The following ANKS1B variants were observed in gnomAD, a reference collection of about 807,000 sequenced individuals.
ANKS1B encodes ankyrin repeat and sterile alpha motif domain containing 1B.
Under a neutral mutation model 148.3 loss-of-function variants are expected in ANKS1B, and 36 were observed. The observed-to-expected ratio is 0.24, with a 90% CI of 0.19 to 0.32. The LOEUF is 0.32. ANKS1B is among the 10% of genes least tolerant of loss of function. The pLI, the probability that ANKS1B is intolerant of heterozygous loss-of-function variation, is 1.00. For missense variants in ANKS1B, 1,157 were observed against 1,542.6 expected (o/e 0.75, Z 4.19); for synonymous variants, 542 against 560.8 (o/e 0.97, Z 0.47).
At chr12:99,067,372 A>G (rs1422698830) in intron 16 of ANKS1B, among the ~76,000 whole-genome samples, 3 of 152,216 alleles carry the variant, frequency 2.0e-5, no homozygotes, top group Admixed American at 6.5e-5. Flanking sequence ...AGACACAGAC[A>G]TCAGTACCTT....
At chr12:99,026,621 TA>T (rs56397569) in intron 17 of ANKS1B, among the ~76,000 whole-genome samples, 145,003 of 151,192 alleles carry the variant, frequency 0.96, 69,775 homozygotes, top group South Asian at 1. Context: ...CATTAAAAAT[TA>T]AAAAAAAAAA....
chr12:99,700,018 T>A (rs1415449692), intron 8 of ANKS1B, among the ~76,000 whole-genome samples: 1 of 152,210 alleles, frequency 6.6e-6, no homozygotes, highest in Non-Finnish European at 1.5e-5. Context: ...TATTTTGAGC[T>A]TAGAGAGTTA....
intron 11 of ANKS1B, among the ~76,000 whole-genome samples, chr12:99,418,993 G>T (rs931856096): frequency 6.8e-6 from 1 of 147,182 alleles, no homozygotes; most frequent in Admixed American, 6.6e-5. Context: ...CTTTGTAATT[G>T]TATATAATTT....
intron 1 of ANKS1B, among the ~76,000 whole-genome samples, chr12:99,833,080 A>G (rs2084288894): frequency 1.3e-5 from 2 of 152,254 alleles, no homozygotes; most frequent in South Asian, 4.1e-4. Flanking sequence ...ATAACATAGA[A>G]AAATACATGC....
chr12:99,321,494 C>T (rs977854844), intron 12 of ANKS1B, among the ~76,000 whole-genome samples: 3 of 152,216 alleles, frequency 2.0e-5, no homozygotes, highest in Non-Finnish European at 4.4e-5. Context: ...GGGCATGGGA[C>T]CCTCCGAGCC....
chr12:99,836,437 T>G (rs573360119), intron 1 of ANKS1B, among the ~76,000 whole-genome samples: 4 of 152,192 alleles, frequency 2.6e-5, no homozygotes, highest in African/African-American at 9.6e-5. Context: ...TAACTAAACA[T>G]TTTCTGATGA....
chr12:99,428,253 G>A (rs1448832942), intron 11 of ANKS1B, among the ~76,000 whole-genome samples: 6 of 152,018 alleles, frequency 3.9e-5, no homozygotes, highest in African/African-American at 9.7e-5. Context: ...GTATCCATCA[G>A]GGGCCAACCA....
intron 19 of ANKS1B, among the ~76,000 whole-genome samples, chr12:98,825,414 T>G (rs2099239951): frequency 6.6e-6 from 1 of 152,206 alleles, no homozygotes; most frequent in South Asian, 2.1e-4. Context: ...AAAAAGTGTC[T>G]TTAGTGCCCC....
At chr12:99,646,541 C>G (rs2098367423) in intron 9 of ANKS1B, among the ~76,000 whole-genome samples, 1 of 149,880 alleles carries the variant, frequency 6.7e-6, no homozygotes, top group Non-Finnish European at 1.5e-5. Flanking sequence ...GTAGTCCCAG[C>G]TACTAGGAAA....
intron 11 of ANKS1B, among the ~76,000 whole-genome samples, chr12:99,437,104 C>G (rs1246931654): frequency 1.3e-5 from 2 of 151,982 alleles, no homozygotes; most frequent in African/African-American, 4.8e-5. Flanking sequence ...TCTCCCAGTT[C>G]TGGAGGTTGA....
intron 14 of ANKS1B, among the ~76,000 whole-genome samples, chr12:99,181,942 C>T (rs2079166859): frequency 6.6e-6 from 1 of 152,080 alleles, no homozygotes; most frequent in East Asian, 1.9e-4. Context: ...TTAATCATCT[C>T]CCCTTCCTCC....
intron 8 of ANKS1B, among the ~76,000 whole-genome samples, chr12:99,718,899 C>A (rs2057755421): frequency 6.6e-6 from 1 of 152,188 alleles, no homozygotes; most frequent in Non-Finnish European, 1.5e-5. Context: ...TCAGTCAAGA[C>A]CAAGTTTCAT....
intron 10 of ANKS1B, among the ~76,000 whole-genome samples, chr12:99,458,330 C>A (rs2095879862): frequency 6.7e-6 from 1 of 149,580 alleles, no homozygotes. Flanking sequence ...TCTGAGAGCA[C>A]AAATAGACAA....
intron 9 of ANKS1B, among the ~76,000 whole-genome samples, chr12:99,608,959 G>T (rs1241083877): frequency 6.6e-6 from 1 of 152,044 alleles, no homozygotes; most frequent in African/African-American, 2.4e-5. Context: ...GAAATGGAAA[G>T]AAGAGGTTTA....
chr12:99,757,131 G>T (rs1046001973), intron 8 of ANKS1B, among the ~76,000 whole-genome samples: 1 of 152,060 alleles, frequency 6.6e-6, no homozygotes, highest in African/African-American at 2.4e-5. Flanking sequence ...CTTCTGCACA[G>T]CCAAAGAAAC....
chr12:98,907,384 C>T (rs1407680789), intron 17 of ANKS1B, among the ~76,000 whole-genome samples: 6 of 152,124 alleles, frequency 3.9e-5, no homozygotes, highest in South Asian at 2.1e-4. Flanking sequence ...AGCTTGATGC[C>T]GTCCTGCCTT....
chr12:99,034,451 G>A (rs1379199315), intron 17 of ANKS1B, among the ~76,000 whole-genome samples: 2 of 152,136 alleles, frequency 1.3e-5, no homozygotes, highest in East Asian at 1.9e-4. Flanking sequence ...GAGTAGCTGG[G>A]ACCATAGGCG....
chr12:99,640,430 A>G (rs2098290992), intron 9 of ANKS1B, among the ~76,000 whole-genome samples: 1 of 151,800 alleles, frequency 6.6e-6, no homozygotes, highest in Non-Finnish European at 1.5e-5. Context: ...AGATAATTAG[A>G]CCATGAGGAC....
At chr12:99,103,103 G>A (rs959286150) in intron 15 of ANKS1B, among the ~76,000 whole-genome samples, 5 of 152,118 alleles carry the variant, frequency 3.3e-5, no homozygotes, top group African/African-American at 1.2e-4. Context: ...TAGGCCTGGG[G>A]TGAGATAAAG....
Sources: gnomAD v4.1 joint callset for allele counts (sites outside exome capture counted in the v4.1 genomes callset) on GRCh38, gnomAD v4.1.1 for gene constraint, MANE v1.5 for transcripts, NCBI Gene and HGNC (gene_info 2026-07-23, HGNC 2026-07-21) for gene names.